BORCS5: variants seen among roughly 807,000 people sequenced by gnomAD.
BORCS5 encodes the protein BLOC-1 related complex subunit 5, also known as BLOC-1-related complex subunit 5.
BORCS5 carries 17 observed loss-of-function variants against 22.1 expected under a neutral mutation model. The ratio of observed to expected loss-of-function variants is 0.77; its 90% CI spans 0.53 to 1.15. The LOEUF (loss-of-function observed/expected upper bound fraction) is 1.15, where lower values mean the gene tolerates loss of function less well. Among genes scored for constraint, BORCS5 ranks in the 50% most tolerant of loss-of-function variants. The pLI is 0.00. For missense variants in BORCS5, 247 were observed against 253.2 expected, an observed-to-expected ratio of 0.98 and a Z score of 0.17; for synonymous variants, 117 against 99.8, an observed-to-expected ratio of 1.17 and a Z score of -1.03.
chr12:12,359,370 T>G (rs1384100739), intron 1 of BORCS5, among the ~76,000 whole-genome samples: 3 of 150,514 alleles, frequency 2.0e-5, no homozygotes, highest in African/African-American at 7.3e-5. Context: ...GACTCTTTTT[T>G]TTTTTTTTTT....
At chr12:12,463,940 T>C (rs925487099) in intron 3 of BORCS5, among the ~76,000 whole-genome samples, 1 of 152,160 alleles carries the variant, frequency 6.6e-6, no homozygotes, top group African/African-American at 2.4e-5. Flanking sequence ...AGGAATGCCC[T>C]GCCAAGTAAA....
At chr12:12,430,474 C>T (rs978168070) in intron 2 of BORCS5, among the ~76,000 whole-genome samples, 1 of 151,912 alleles carries the variant, frequency 6.6e-6, no homozygotes, top group Non-Finnish European at 1.5e-5. Context: ...AAGATGTGTT[C>T]GGCCATATGA....
intron 2 of BORCS5, among the ~76,000 whole-genome samples, chr12:12,397,453 T>C (rs1448457959): frequency 6.6e-6 from 1 of 152,236 alleles, no homozygotes; most frequent in Non-Finnish European, 1.5e-5. Context: ...GGAATTCGCT[T>C]CTGCATTCTG....
intron 2 of BORCS5, among the ~76,000 whole-genome samples, chr12:12,369,712 C>CTTTTTTTTTTTTTTTTTTT (rs71061052): frequency 2.3e-5 from 1 of 42,952 alleles, no homozygotes; most frequent in Non-Finnish European, 3.9e-5. Context: ...CCCCCCACTT[C>CTTTTTTTTTTTTTTTTTTT]TTTTTTTTTT....
intron 2 of BORCS5, among the ~76,000 whole-genome samples, chr12:12,377,379 A>T (rs886728731): frequency 6.6e-6 from 1 of 151,910 alleles, no homozygotes; most frequent in Non-Finnish European, 1.5e-5. Flanking sequence ...GGTTTTCACC[A>T]TGTTGGCCAG....
At chr12:12,388,819 C>G (rs1028678173) in intron 2 of BORCS5, among the ~76,000 whole-genome samples, 1 of 151,114 alleles carries the variant, frequency 6.6e-6, no homozygotes, top group African/African-American at 2.4e-5. Context: ...ATCAAGGCAA[C>G]CCCACACATG....
intron 3 of BORCS5, among the ~76,000 whole-genome samples, chr12:12,453,238 A>G (rs904171895): frequency 5.3e-5 from 8 of 152,242 alleles, no homozygotes; most frequent in African/African-American, 1.9e-4. Flanking sequence ...TAAAAAATGA[A>G]TGCTGTCAGT....
intron 2 of BORCS5, among the ~76,000 whole-genome samples, chr12:12,368,933 T>G (rs759018463): frequency 3.9e-5 from 6 of 152,192 alleles, no homozygotes; most frequent in Non-Finnish European, 5.9e-5. Flanking sequence ...TTAATGGGTA[T>G]AGTGTTCTAT....
At chr12:12,457,799 G>T (rs1358070032) in intron 3 of BORCS5, among the ~76,000 whole-genome samples, 1 of 152,242 alleles carries the variant, frequency 6.6e-6, no homozygotes, top group African/African-American at 2.4e-5. Flanking sequence ...ATTTAAGCCA[G>T]TGGATCTGAA....
chr12:12,390,848 C>T (rs962253361), intron 2 of BORCS5, among the ~76,000 whole-genome samples: 2 of 151,952 alleles, frequency 1.3e-5, no homozygotes, highest in African/African-American at 4.8e-5. Flanking sequence ...CTTAGATGAT[C>T]CACCTTCCTT....
In BORCS5 at chr12:12,357,224, T is replaced by TCGCGC. The variant is rs201350639; in HGVS notation, c.-221_-217dup. The TCGCGC allele has an allele frequency of 0.013, 18,652 of 1,479,474 alleles. 130 individuals are homozygous for TCGCGC. Among genetic ancestry groups the TCGCGC allele is most frequent in the Non-Finnish European group, 0.015 (16,838 of 1,118,446 alleles). 91.6% of individuals were successfully genotyped at this position (1,479,474 alleles called of 1,614,324 possible). On this transcript the variant is annotated 5_prime_UTR_variant, in exon 1 of 4. Transcript: ENST00000314565. ...AAGAAGGAGGGCTAGCCGCGTGCGT[T>TCGCGC]CGCGCCGCGCCTCCTTGCGTTTCTG...
chr12:12,361,427 A>C, intron 2 of BORCS5, 78 bp downstream of exon 2: 1 of 1,504,014 alleles, frequency 6.6e-7, no homozygotes, highest in Non-Finnish European at 9.2e-7. Context: ...CTACTTATCC[A>C]TGTATCTTGC....
At chr12:12,399,042 G>T (rs773776060) in intron 2 of BORCS5, among the ~76,000 whole-genome samples, 1 of 152,150 alleles carries the variant, frequency 6.6e-6, no homozygotes, top group Non-Finnish European at 1.5e-5. Flanking sequence ...CTCTGCGATG[G>T]CCAGGAGAGG....
chr12:12,435,411 A>G (rs1942533450), intron 2 of BORCS5, among the ~76,000 whole-genome samples: 1 of 152,192 alleles, frequency 6.6e-6, no homozygotes, highest in Non-Finnish European at 1.5e-5. Flanking sequence ...GCAGCTGTGA[A>G]TACGAAAAAT....
chr12:12,376,002 G>A (rs1863641884), intron 2 of BORCS5, among the ~76,000 whole-genome samples: 1 of 151,764 alleles, frequency 6.6e-6, no homozygotes, highest in South Asian at 2.1e-4. Context: ...ATGGGGTTTC[G>A]CCATGTTGGC....
intron 2 of BORCS5, among the ~76,000 whole-genome samples, chr12:12,417,857 G>A (rs1942009178): frequency 6.6e-6 from 1 of 151,814 alleles, no homozygotes; most frequent in African/African-American, 2.4e-5. Context: ...GGCTGGGCTG[G>A]TCTCGAACTC....
chr12:12,366,331 C>T (rs1341825330), intron 2 of BORCS5, among the ~76,000 whole-genome samples: 2 of 152,108 alleles, frequency 1.3e-5, no homozygotes, highest in Non-Finnish European at 2.9e-5. Context: ...AGTGGCTGGG[C>T]GAGTTTGGGG....
chr12:12,414,447 T>A (rs1414336592), intron 2 of BORCS5, among the ~76,000 whole-genome samples: 3 of 84,620 alleles, frequency 3.5e-5, no homozygotes, highest in African/African-American at 1.5e-4. Flanking sequence ...CCCCCCCACC[T>A]CCCTCCCGGA....
At chr12:12,415,933 A>G (rs1941937347) in intron 2 of BORCS5, among the ~76,000 whole-genome samples, 1 of 152,148 alleles carries the variant, frequency 6.6e-6, no homozygotes, top group South Asian at 2.1e-4. Flanking sequence ...GGTGGAACTC[A>G]CCTGTGAAAC....
Sources: allele counts gnomAD v4.1 joint callset (sites outside exome capture counted in the v4.1 genomes callset), GRCh38; gene constraint gnomAD v4.1.1; transcripts MANE v1.5; gene names NCBI Gene and HGNC (gene_info 2026-07-23, HGNC 2026-07-21).